The following PRSS53 variants were observed in gnomAD, a reference collection of about 807,000 sequenced individuals.
The protein encoded by PRSS53 is EDTP308.
In PRSS53, 54 loss-of-function variants were observed where a neutral mutation model predicts 62.7. The observed-to-expected ratio is 0.86, with a 90% confidence interval of 0.69 to 1.08. The LOEUF is 1.08. PRSS53 is among the 50% of genes least tolerant of loss of function. The pLI, the probability that PRSS53 is intolerant of heterozygous loss-of-function variation, is 0.00. For missense variants in PRSS53, 688 were observed against 728.3 expected, an observed-to-expected ratio of 0.94 and a Z score of 0.64; for synonymous variants, 273 against 300.0, an observed-to-expected ratio of 0.91 and a Z score of 0.93.
At position 31,084,258 on chromosome 16, in the gene PRSS53, A is replaced by G. The variant is rs756432345; in HGVS notation, c.1503T>C (p.Ala501=). The G allele has an allele frequency of 2.5e-6, 4 of 1,612,370 alleles. No homozygotes were observed. The East Asian group carries it at 8.9e-5, about 36-fold the overall frequency. The change falls in exon 10 of 11, where the codon GCT becomes GCC. Residue 501 remains alanine (A), a synonymous_variant. Coordinates refer to ENST00000280606, the Ensembl canonical transcript of PRSS53. Reference sequence around the variant, plus strand: ...CCGCCGGCCTGGCGGGGCCTTGGCAAGCATCTCCGAAGCTGTGCAGCCCGG... The same window carrying G: ...CCGCCGGCCTGGCGGGGCCTTGGCAGGCATCTCCGAAGCTGTGCAGCCCGG...
At chr16:31,086,545 G>A (rs1035735198) in intron 4 of PRSS53, 54 bp from the exon 5 acceptor site, 4 of 1,577,148 alleles carry the variant, frequency 2.5e-6, no homozygotes, top group African/African-American at 2.7e-5. Context: ...AAGCAAGGGA[G>A]ACTGGAAGCC....
At chr16:31,084,031 C>T in intron 10 of PRSS53, 88 bp downstream of exon 10, 1 of 1,506,112 alleles carries the variant, frequency 6.6e-7, no homozygotes, top group Non-Finnish European at 8.9e-7. Flanking sequence ...CCCAAGGCAG[C>T]TGGAGTGGGT....
intron 1 of PRSS53, chr16:31,088,059 G>C: frequency 1.4e-6 from 2 of 1,422,776 alleles, no homozygotes; most frequent in Non-Finnish European, 1.8e-6. Flanking sequence ...CAGCACTCTG[G>C]GGCTTGGGGT....
exon 11 of PRSS53, chr16:31,083,752 C>T: frequency 1.2e-6 from 2 of 1,614,080 alleles, no homozygotes; most frequent in Non-Finnish European, 8.5e-7. Context: ...CATTTGCCTG[C>T]CTGCATTCTC....
At chr16:31,086,091 C>G in exon 6 of PRSS53, 3 of 1,613,776 alleles carry the variant, frequency 1.9e-6, no homozygotes, top group Non-Finnish European at 2.5e-6. Flanking sequence ...CAGGAGCGTC[C>G]TCCTGGGCAC....
intron 1 of PRSS53, chr16:31,088,149 C>G: frequency 7.6e-7 from 1 of 1,322,906 alleles, no homozygotes; most frequent in East Asian, 3.4e-5. Context: ...AGCCAGGCGG[C>G]CTGTGTGTGT....
At chr16:31,085,086 A>G (rs764965262) in intron 7 of PRSS53, 24 bp downstream of exon 7, 5 of 1,612,970 alleles carry the variant, frequency 3.1e-6, no homozygotes, top group Non-Finnish European at 3.4e-6. Flanking sequence ...CAGGGGGCAC[A>G]GCAGAGAGGG....
At chr16:31,088,338 C>G in intron 1 of PRSS53, 1 of 1,120,964 alleles carries the variant, frequency 8.9e-7, no homozygotes, top group African/African-American at 1.6e-5. Flanking sequence ...GAGAGAGGGC[C>G]CCTGCCCACC....
chr16:31,086,918 G>A lies in PRSS53; in HGVS notation c.243-20C>T. On this transcript the variant is annotated intron_variant, in intron 3 of 10. Coordinates refer to ENST00000280606, the Ensembl canonical transcript of PRSS53. ...GCTGCCCTGGAAGGGGAAGGACAAG[G>A]TCCAGGCTGCTGAGTGCAAGGGTAG... 6.4e-7 allele frequency: 1 copy of A among 1,572,326 alleles called. No homozygotes were observed. Among genetic ancestry groups the A allele is most frequent in the Non-Finnish European group, 8.6e-7 (1 of 1,158,668 alleles).
exon 5 of PRSS53, chr16:31,086,367 G>C: frequency 1.2e-6 from 2 of 1,613,294 alleles, no homozygotes; most frequent in Non-Finnish European, 1.7e-6. Context: ...CAGGCTGGGG[G>C]CCCCCACATA....
At chr16:31,086,816 C>T in exon 4 of PRSS53, 1 of 1,613,694 alleles carries the variant, frequency 6.2e-7, no homozygotes, top group Non-Finnish European at 8.5e-7. Context: ...GCCACCCCCA[C>T]CTCTTCGGCC....
At chr16:31,085,302 T>C in intron 6 of PRSS53, 42 bp from the exon 7 acceptor site, 1 of 1,487,632 alleles carries the variant, frequency 6.7e-7, no homozygotes, top group South Asian at 1.4e-5. Flanking sequence ...TGCTAAGCAC[T>C]TCCCACTTCC....
exon 8 of PRSS53, chr16:31,084,918 A>G: frequency 6.5e-7 from 1 of 1,542,610 alleles, no homozygotes; most frequent in Non-Finnish European, 8.8e-7. Flanking sequence ...GCCATGTCGT[A>G]GCCCCCCTCA....
intron 1 of PRSS53, chr16:31,088,543 C>T (rs1000027766): frequency 7.3e-5 from 105 of 1,431,960 alleles, no homozygotes; most frequent in Non-Finnish European, 8.6e-5. Flanking sequence ...GCCCCGCCAA[C>T]GCAAACTGCA....
At chr16:31,086,599 G>T in intron 4 of PRSS53, 34 bp downstream of exon 4, 1 of 1,543,356 alleles carries the variant, frequency 6.5e-7, no homozygotes, top group Non-Finnish European at 8.8e-7. Flanking sequence ...CAAGCAGAGT[G>T]CCTCTCCGAG....
chr16:31,088,293 C>G, intron 1 of PRSS53: 1 of 1,126,836 alleles, frequency 8.9e-7, no homozygotes, highest in Non-Finnish European at 1.1e-6. Flanking sequence ...ACTCAGTCTT[C>G]CCCACCTTCC....
rs2057198676 is a variant in PRSS53 at position 31,084,004 on chromosome 16, C to T, written c.1642+115G>A. 2.7e-6 allele frequency: 4 copies of T among 1,498,710 alleles called. No individual in the cohort carries two copies. The Admixed American group carries it at 8.6e-5, about 32-fold the overall frequency. 92.8% of individuals were successfully genotyped at this position (1,498,710 alleles called of 1,614,324 possible). On this transcript the variant is annotated intron_variant, in intron 10 of 10. Transcript: ENST00000280606. The stretch of plus-strand genomic sequence containing the variant: ...CCAGAATCTGAATCAAATGGGTCTG[C>T]CTGTTGCTCCACCCTACCCAAGGCA...
intron 4 of PRSS53, 65 bp downstream of exon 4, chr16:31,086,568 A>T: frequency 6.4e-7 from 1 of 1,559,818 alleles, no homozygotes. Context: ...GACAGTTGGG[A>T]GCTGAGACTG....
chr16:31,086,673 G>T (rs1195249505), exon 4 of PRSS53: 1 of 1,544,782 alleles, frequency 6.5e-7, no homozygotes, highest in Admixed American at 1.9e-5. Flanking sequence ...CCCAGCAGGA[G>T]GCTCCAAAGG....
Sources: gnomAD v4.1 joint callset for allele counts on GRCh38, gnomAD v4.1.1 for gene constraint, MANE v1.5 for transcripts, NCBI Gene and HGNC (gene_info 2026-07-23, HGNC 2026-07-21) for gene names.